RBM47: variants seen among roughly 807,000 people sequenced by gnomAD.
RBM47 encodes RNA binding motif protein 47.
Under a neutral mutation model 47.1 loss-of-function variants are expected in RBM47, and 21 were observed. The ratio of observed to expected loss-of-function variants is 0.45; its 90% CI spans 0.32 to 0.64. The LOEUF (loss-of-function observed/expected upper bound fraction) is 0.64. Ranked by LOEUF, RBM47 falls within the 30% of genes least tolerant of loss-of-function variation. The pLI is 0.05. For synonymous variants in RBM47, 375 were observed against 361.7 expected (o/e 1.04, Z -0.42); for missense variants, 708 against 870.9 (o/e 0.81, Z 2.35).
At position 40,500,386 on chromosome 4, in the gene RBM47, C is replaced by T. The variant is rs889794280; in HGVS notation, c.-154-33687G>A. ...CAGCACTTCGGGAGGCCGAGATGGG[C>T]GAAATGCTTGAATCCAGGAGTCGAG... On this transcript the variant is annotated intron_variant, in intron 2 of 6. Transcript: ENST00000295971. Among the ~76,000 whole-genome samples, 18 of 151,752 alleles carry T rather than the reference C, an allele frequency of 1.2e-4. 1 individual carries two copies. Among genetic ancestry groups the T allele is most frequent in the Admixed American group, 1.1e-3 (16 of 15,222 alleles).
At chr4:40,569,642 C>G (rs1731508115) in intron 1 of RBM47, among the ~76,000 whole-genome samples, 1 of 151,824 alleles carries the variant, frequency 6.6e-6, no homozygotes, top group Admixed American at 6.6e-5. Flanking sequence ...ATCTCCTGAC[C>G]TGGTGATCCG....
intron 2 of RBM47, among the ~76,000 whole-genome samples, chr4:40,505,738 A>C (rs1300761033): frequency 2.0e-5 from 3 of 151,738 alleles, no homozygotes; most frequent in African/African-American, 7.3e-5. Flanking sequence ...ATACAAAAAA[A>C]AAAATAGCTG....
chr4:40,476,121 C>T (rs1719574619), intron 2 of RBM47, among the ~76,000 whole-genome samples: 1 of 152,180 alleles, frequency 6.6e-6, no homozygotes, highest in South Asian at 2.1e-4. Context: ...ATGCCCATTA[C>T]ATTTGTACAG....
At chr4:40,471,072 C>A (rs1718790708) in intron 2 of RBM47, among the ~76,000 whole-genome samples, 1 of 152,126 alleles carries the variant, frequency 6.6e-6, no homozygotes, top group South Asian at 2.1e-4. Context: ...ACCAATTGCC[C>A]TCACCCAAGG....
At chr4:40,494,328 C>G (rs183451744) in intron 2 of RBM47, among the ~76,000 whole-genome samples, 16 of 152,336 alleles carry the variant, frequency 1.1e-4, no homozygotes, top group Admixed American at 5.2e-4. Context: ...CTTTCCTGCA[C>G]TTCTATGCTA....
intron 1 of RBM47, among the ~76,000 whole-genome samples, chr4:40,579,901 C>T (rs1256232592): frequency 6.6e-6 from 1 of 151,984 alleles, no homozygotes; most frequent in Non-Finnish European, 1.5e-5. Context: ...GTGCACACTA[C>T]CATGCCTGTC....
At chr4:40,518,875 G>A (rs1725891747) in intron 2 of RBM47, among the ~76,000 whole-genome samples, 1 of 152,020 alleles carries the variant, frequency 6.6e-6, no homozygotes, top group Admixed American at 6.6e-5. Context: ...TCCTGGACAT[G>A]CCACAGGTTG....
At chr4:40,542,268 C>T (rs913182272) in intron 2 of RBM47, among the ~76,000 whole-genome samples, 3 of 152,098 alleles carry the variant, frequency 2.0e-5, no homozygotes, top group African/African-American at 7.2e-5. Context: ...CAAGAGACAC[C>T]TGTTCTCTGA....
intron 2 of RBM47, among the ~76,000 whole-genome samples, chr4:40,475,374 A>G (rs1179450657): frequency 6.6e-6 from 1 of 152,220 alleles, no homozygotes; most frequent in African/African-American, 2.4e-5. Context: ...TTCTTACCCC[A>G]TAGTTTAAAT....
chr4:40,531,618 T>A (rs1727397144), intron 2 of RBM47, among the ~76,000 whole-genome samples: 1 of 151,980 alleles, frequency 6.6e-6, no homozygotes, highest in Non-Finnish European at 1.5e-5. Flanking sequence ...GATACCAGGG[T>A]GAAGGCTATG....
chr4:40,624,503 T>C (rs1371669897), intron 1 of RBM47, among the ~76,000 whole-genome samples: 1 of 152,216 alleles, frequency 6.6e-6, no homozygotes, highest in Non-Finnish European at 1.5e-5. Context: ...AACTAAATTC[T>C]AAGGTAAAGC....
intron 1 of RBM47, among the ~76,000 whole-genome samples, chr4:40,581,457 T>TAAA (rs1180927157): frequency 6.9e-6 from 1 of 144,678 alleles, no homozygotes; most frequent in Non-Finnish European, 1.5e-5. Context: ...AATAAATAAA[T>TAAA]AAATAAATAA....
intron 4 of RBM47, among the ~76,000 whole-genome samples, chr4:40,437,090 A>AAAAATATATATATATATAT (rs1256296949): frequency 2.4e-4 from 12 of 49,796 alleles, no homozygotes; most frequent in African/African-American, 1.3e-3. Flanking sequence ...AAAAAAAAAA[A>AAAAATATATATATATATAT]ATATATATAT....
At chr4:40,582,833 T>C (rs1375355727) in intron 1 of RBM47, among the ~76,000 whole-genome samples, 1 of 152,210 alleles carries the variant, frequency 6.6e-6, no homozygotes, top group Non-Finnish European at 1.5e-5. Flanking sequence ...CAAAGTCTAG[T>C]CACCACCCTG....
At chr4:40,547,631 G>C (rs1479052748) in intron 1 of RBM47, among the ~76,000 whole-genome samples, 1 of 152,202 alleles carries the variant, frequency 6.6e-6, no homozygotes, top group East Asian at 1.9e-4. Flanking sequence ...CCCAGGACCA[G>C]ATGAGTCGCA....
At chr4:40,598,087 C>G (rs1277500010) in intron 1 of RBM47, among the ~76,000 whole-genome samples, 3 of 152,118 alleles carry the variant, frequency 2.0e-5, no homozygotes, top group Admixed American at 6.5e-5. Context: ...TATTGCATAG[C>G]AGAGTAGTGT....
intron 1 of RBM47, among the ~76,000 whole-genome samples, chr4:40,566,980 T>C (rs2154267670): frequency 6.6e-6 from 1 of 152,058 alleles, no homozygotes; most frequent in African/African-American, 2.4e-5. Flanking sequence ...TCCTCTCTTT[T>C]TTTTCTCTAT....
At chr4:40,622,703 G>A (rs1026075053) in intron 1 of RBM47, among the ~76,000 whole-genome samples, 2 of 152,172 alleles carry the variant, frequency 1.3e-5, no homozygotes, top group Non-Finnish European at 2.9e-5. Flanking sequence ...CCAACATGGT[G>A]AAACTCCATC....
At chr4:40,506,229 G>T (rs901809246) in intron 2 of RBM47, among the ~76,000 whole-genome samples, 1 of 152,270 alleles carries the variant, frequency 6.6e-6, no homozygotes, top group South Asian at 2.1e-4. Flanking sequence ...TGACAGCAAC[G>T]GTGCTTACTT....
Sources: allele counts gnomAD v4.1 joint callset (sites outside exome capture counted in the v4.1 genomes callset), GRCh38; gene constraint gnomAD v4.1.1; transcripts MANE v1.5; gene names NCBI Gene and HGNC (gene_info 2026-07-23, HGNC 2026-07-21).